C3: variants seen among roughly 807,000 people sequenced by gnomAD.
C3 encodes C3 and PZP-like alpha-2-macroglobulin domain-containing protein 1.
C3 carries 97 observed loss-of-function variants against 207.9 expected under a neutral mutation model. The ratio of observed to expected loss-of-function variants is 0.47; its 90% CI spans 0.40 to 0.55. C3 has a LOEUF of 0.55. C3 is among the 20% of genes least tolerant of loss of function. The probability of loss-of-function intolerance (pLI) is 0.00; values close to 1 mark genes in which losing one functional copy is unlikely to be tolerated. For missense variants in C3, 1,684 were observed against 2,171.7 expected (o/e 0.78, Z 4.46); for synonymous variants, 848 against 857.6 (o/e 0.99, Z 0.20).
At position 6,685,124 on chromosome 19, in the gene C3, G is replaced by A. The variant is rs749239793; in HGVS notation, c.3833C>T (p.Ala1278Val). The change falls in exon 30 of 41, where the codon GCC (alanine) becomes GTC (valine). Residue 1278 changes from alanine (A) to valine (V), a missense_variant. Coordinates refer to ENST00000245907, the MANE Select transcript of C3 (RefSeq NM_000064.4). ...GGCGTCCTTTTGGTATTGAGCCAAG[G>A]CTTGGAACACCATGAAGGTGGCCTA... ...STQATFMVFQ[A>V]LAQYQKDAPD... The A allele has an allele frequency of 6.2e-7, 1 of 1,613,958 alleles. No individual in the cohort carries two copies. Among genetic ancestry groups the A allele is most frequent in the East Asian group, 2.2e-5 (1 of 44,882 alleles).
At chr19:6,682,096 A>G (rs1167072793) in intron 34 of C3, 46 bp downstream of exon 34, 1 of 1,604,540 alleles carries the variant, frequency 6.2e-7, no homozygotes, top group East Asian at 2.2e-5. Flanking sequence ...CCTCTTCCAG[A>G]ACCCAGGCTC....
chr19:6,702,542 G>A lies in C3; in HGVS notation c.2283C>T (p.Ile761=), dbSNP rs780952671. ...TCTCTGGGAACTCACTTCGGGAAACGATGTTCTCTTCTGCAATGATGTCCT... is the reference window on the plus strand; with the variant it reads ...TCTCTGGGAACTCACTTCGGGAAACAATGTTCTCTTCTGCAATGATGTCCT... The part of the protein sequence containing the change: ...LDEDIIAEEN[I]VSRSEFPESW... Residue 761 remains isoleucine, a synonymous_variant, in exon 18 of 41, where the codon ATC becomes ATT. Coordinates refer to ENST00000245907, the MANE Select transcript of C3 (RefSeq NM_000064.4). 11 of 1,613,896 alleles carry A rather than the reference G, an allele frequency of 6.8e-6. No individual in the cohort carries two copies. In the East Asian group the frequency reaches 1.3e-4, roughly 20 times the overall value.
intron 14 of C3, among the ~76,000 whole-genome samples, 154 bp from the exon 15 acceptor site, chr19:6,708,083 TTTCC>T (rs981864360): frequency 1.3e-5 from 2 of 149,430 alleles, no homozygotes; most frequent in Non-Finnish European, 3.0e-5. Flanking sequence ...TCTCTTTCTC[TTTCC>T]TTCCTTCCTT....
At chr19:6,684,235 T>C in intron 33 of C3, 153 bp downstream of exon 33, 1 of 765,360 alleles carries the variant, frequency 1.3e-6, no homozygotes, top group Middle Eastern at 3.6e-4. Context: ...AAGCAAGGAC[T>C]GTCTGTGTTG....
chr19:6,702,269 G>T, intron 18 of C3, 57 bp from the exon 19 acceptor site: 1 of 1,185,110 alleles, frequency 8.4e-7, no homozygotes, highest in Non-Finnish European at 1.3e-6. Flanking sequence ...GTGGTAGAGG[G>T]GAAGAACTGG....
chr19:6,679,437 A>G lies in C3; in HGVS notation c.4516T>C (p.Cys1506Arg). ...GCACAGCGGCACAGTTCATCACGGC[A>G]GAGCTTGTTCAGCTTTCCATCCTCC... ...EKEDGKLNKLCRDELCRCAEE... is the reference protein window; with the variant it reads ...EKEDGKLNKLRRDELCRCAEE... Residue 1506 changes from cysteine to arginine, a missense_variant, in exon 37 of 41, where the codon TGC becomes CGC. Coordinates refer to ENST00000245907, the MANE Select transcript of C3 (RefSeq NM_000064.4). The G allele has an allele frequency of 1.9e-6, 3 of 1,614,010 alleles. No homozygotes were observed. Among genetic ancestry groups the G allele is most frequent in the Non-Finnish European group, 2.5e-6 (3 of 1,179,852 alleles).
chr19:6,707,759 GT>G, intron 15 of C3, 40 bp downstream of exon 15: 1 of 1,610,362 alleles, frequency 6.2e-7, no homozygotes, highest in East Asian at 2.2e-5. Flanking sequence ...GGAGGTGGAG[GT>G]GCTGTCTGTC....
intron 28 of C3, 174 bp downstream of exon 28, chr19:6,686,572 T>A: frequency 1.2e-6 from 1 of 810,228 alleles, no homozygotes; most frequent in Non-Finnish European, 2.1e-6. Flanking sequence ...GAGCCGTGCA[T>A]CCCAGCTCAG....
chr19:6,679,350 G>A (rs1241187528), intron 37 of C3, 57 bp downstream of exon 37: 52 of 1,477,714 alleles, frequency 3.5e-5, no homozygotes, highest in Non-Finnish European at 4.6e-5. Flanking sequence ...TGGGATAGAT[G>A]ACCTGGGTAA....
Position 6,686,134 on chromosome 19 carries a change from C to A in C3, c.3800G>T (p.Gly1267Val). Residue 1267 changes from glycine to valine, a missense_variant, in exon 29 of 41, where the codon GGC (glycine) becomes GTC (valine). Around this residue, in one of 3 missense-constraint regions of C3, gnomAD observed 1,280 missense variants for 1,739.1 expected, o/e 0.74. Coordinates refer to ENST00000245907, the MANE Select transcript of C3 (RefSeq NM_000064.4). ...NEQRYYGGGY[G>V]STQATFMVFQ... Reference sequence around the variant, plus strand: ...TGTGGGCCCACTTGCCTGGGTAGAGCCATAGCCACCACCGTAGTATCTCTG... The same window carrying A: ...TGTGGGCCCACTTGCCTGGGTAGAGACATAGCCACCACCGTAGTATCTCTG... 1 of 1,614,018 alleles carries A rather than the reference C, an allele frequency of 6.2e-7. No individual in the cohort carries two copies. Among genetic ancestry groups the A allele is most frequent in the Non-Finnish European group, 8.5e-7 (1 of 1,180,010 alleles).
At chr19:6,698,393 C>A (rs576546986) in intron 19 of C3, among the ~76,000 whole-genome samples, 1 of 151,858 alleles carries the variant, frequency 6.6e-6, no homozygotes, top group Admixed American at 6.6e-5. Context: ...AGAGAAATCT[C>A]CAAAATATAT....
intron 17 of C3, among the ~76,000 whole-genome samples, chr19:6,706,542 G>A (rs1297983776): frequency 1.3e-5 from 2 of 151,978 alleles, no homozygotes; most frequent in African/African-American, 4.8e-5. Context: ...ACGCTGGCAG[G>A]GCATCACCTC....
At chr19:6,682,680 CATAA>C (rs1555683544) in intron 33 of C3, 2 of 211,250 alleles carry the variant, frequency 9.5e-6, no homozygotes, top group Non-Finnish European at 9.7e-6. Context: ...GAAATCACGA[CATAA>C]ATAAAAGATA....
intron 27 of C3, among the ~76,000 whole-genome samples, chr19:6,688,628 TC>T (rs1458212520): frequency 9.2e-5 from 14 of 152,290 alleles, no homozygotes; most frequent in Admixed American, 9.2e-4. Context: ...CAAGTGATTC[TC>T]CTGCCTCAGC....
chr19:6,690,589 G>A (rs376368705), intron 27 of C3, 40 bp downstream of exon 27: 43 of 1,522,654 alleles, frequency 2.8e-5, no homozygotes, highest in African/African-American at 2.5e-4. Flanking sequence ...GCTCTGCATC[G>A]GGTAAGGTAG....
intron 26 of C3, 127 bp from the exon 27 acceptor site, chr19:6,690,854 T>C (rs1295093463): frequency 6.8e-6 from 5 of 735,646 alleles, no homozygotes; most frequent in Admixed American, 2.0e-5. Flanking sequence ...GTTACCCCGC[T>C]ACCCTAGGAA....
chr19:6,704,453 A>AT (rs975725209), intron 17 of C3, among the ~76,000 whole-genome samples: 7 of 152,108 alleles, frequency 4.6e-5, no homozygotes, highest in Non-Finnish European at 7.4e-5. Flanking sequence ...TCCCTTAAAA[A>AT]ATATATATAT....
rs11569566 is a variant in C3 at position 6,677,721 on chromosome 19, G to A, written c.*161C>T. On this transcript the variant is annotated 3_prime_UTR_variant, in exon 41 of 41. Coordinates refer to ENST00000245907, the MANE Select transcript of C3 (RefSeq NM_000064.4). ...GAAGTCAGCACACTAGCAGGCGAAC[G>A]CCAGGAGAAAATGCGGTGGGAACAG... The A allele has an allele frequency of 1.0e-5, 9 of 890,580 alleles. No individual in the cohort carries two copies. The highest frequency in any genetic ancestry group is 5.0e-5 in the African/African-American group (3 of 59,604). The allele number at this position is 890,580 out of a possible 1,614,324, so 55.2% of individuals were successfully genotyped here. A position where few individuals can be genotyped will look rare whatever the true frequency, so the allele number is the denominator to read the frequency against.
At chr19:6,682,286 C>G (rs946583070) in intron 33 of C3, 57 bp from the exon 34 acceptor site, 32 of 1,357,278 alleles carry the variant, frequency 2.4e-5, no homozygotes, top group Middle Eastern at 1.8e-4. Flanking sequence ...CCCCAAGGGT[C>G]TGTTCCTGGA....
Sources: gnomAD v4.1 joint callset for allele counts (sites outside exome capture counted in the v4.1 genomes callset) on GRCh38, gnomAD v4.1.1 for gene constraint, gnomAD v4.1.1 regional missense constraint, MANE v1.5 for transcripts, NCBI Gene and HGNC (gene_info 2026-07-23, HGNC 2026-07-21) for gene names.